The following ADGRV1 variants were observed in gnomAD, a reference collection of about 807,000 sequenced individuals.
The protein encoded by ADGRV1 is adhesion G protein-coupled receptor V1.
In ADGRV1, 359 loss-of-function variants were observed where a neutral mutation model predicts 596.2. The observed-to-expected ratio is 0.60, with a 90% CI of 0.55 to 0.66. The LOEUF (loss-of-function observed/expected upper bound fraction) is 0.66, where lower values mean the gene tolerates loss of function less well. Ranked by LOEUF, ADGRV1 falls within the 30% of genes least tolerant of loss-of-function variation. The pLI, the probability that ADGRV1 is intolerant of heterozygous loss-of-function variation, is 0.00. For synonymous variants in ADGRV1, 2,681 were observed against 2,679.2 expected (o/e 1.00, Z -0.02); for missense variants, 7,274 against 7,575.6 (o/e 0.96, Z 1.48).
In ADGRV1 at chr5:91,099,736, C is replaced by T. The variant is rs1791201973; in HGVS notation, c.18311-2483C>T. On this transcript the variant is annotated intron_variant, in intron 86 of 89. Coordinates refer to ENST00000405460, the MANE Select transcript of ADGRV1 (RefSeq NM_032119.4). ...ATGAGAAGTAGATCTCTTACCAACACAGAAAAGTTACAAATATGGAAAGGG... is the reference window on the plus strand; with the variant it reads ...ATGAGAAGTAGATCTCTTACCAACATAGAAAAGTTACAAATATGGAAAGGG... Among the ~76,000 whole-genome samples, 4 of 152,052 alleles carry T rather than the reference C, an allele frequency of 2.6e-5. No homozygotes were observed. The South Asian group carries it at 6.2e-4, about 24-fold the overall frequency.
At chr5:90,650,870 C>T (rs1173740453) in intron 17 of ADGRV1, among the ~76,000 whole-genome samples, 1 of 152,126 alleles carries the variant, frequency 6.6e-6, no homozygotes, top group Admixed American at 6.6e-5. Context: ...GTTGCTTGAG[C>T]TGGGTTCTCA....
At chr5:90,617,982 T>G (rs909886061) in intron 3 of ADGRV1, 29 bp downstream of exon 3, 9 of 1,498,660 alleles carry the variant, frequency 6.0e-6, no homozygotes, top group Non-Finnish European at 8.1e-6. Context: ...CTTATAAAAA[T>G]TATAAGGAGG....
chr5:90,741,052 T>C (rs989367292), intron 50 of ADGRV1, among the ~76,000 whole-genome samples: 1 of 152,208 alleles, frequency 6.6e-6, no homozygotes, highest in Middle Eastern at 3.2e-3. Context: ...AGAGAGTTCC[T>C]ATTCCACCAT....
At chr5:90,872,245 T>A (rs1394867812) in intron 83 of ADGRV1, among the ~76,000 whole-genome samples, 6 of 152,208 alleles carry the variant, frequency 3.9e-5, no homozygotes, top group Admixed American at 3.3e-4. Flanking sequence ...TGGTCTGCAT[T>A]ATCTGTAATG....
chr5:90,666,045 A>T (rs888046327), intron 21 of ADGRV1, among the ~76,000 whole-genome samples: 89 of 151,652 alleles, frequency 5.9e-4, no homozygotes, highest in Non-Finnish European at 7.4e-4. Context: ...TACGTGGTCA[A>T]TTTTGGAATA....
chr5:90,838,848 A>C (rs968638079), intron 77 of ADGRV1, among the ~76,000 whole-genome samples: 4 of 152,150 alleles, frequency 2.6e-5, no homozygotes, highest in African/African-American at 9.7e-5. Context: ...TGATATAGCG[A>C]GACCCTCATC....
intron 70 of ADGRV1, among the ~76,000 whole-genome samples, chr5:90,797,354 C>T (rs1390260635): frequency 7.3e-6 from 1 of 136,204 alleles, no homozygotes; most frequent in East Asian, 2.3e-4. Flanking sequence ...AGACTTTAAA[C>T]CAACAAAGAT....
intron 85 of ADGRV1, among the ~76,000 whole-genome samples, chr5:91,036,492 G>A (rs1224700162): frequency 1.3e-5 from 2 of 151,934 alleles, no homozygotes; most frequent in Non-Finnish European, 2.9e-5. Flanking sequence ...AACCCGGGAG[G>A]CGGAGCTTGC....
At chr5:90,802,094 G>A (rs542168429) in intron 70 of ADGRV1, among the ~76,000 whole-genome samples, 15 of 152,306 alleles carry the variant, frequency 9.8e-5, no homozygotes, top group South Asian at 4.1e-4. Context: ...TGCCCCTTCC[G>A]TTTTCTTGAT....
Position 90,617,910 on chromosome 5 carries a change from T to TA in ADGRV1, c.315dup (p.Pro106ThrfsTer4). 1 of 1,592,518 alleles carries TA rather than the reference T, an allele frequency of 6.3e-7. No homozygotes were observed. Among genetic ancestry groups the TA allele is most frequent in the Non-Finnish European group, 8.6e-7 (1 of 1,168,100 alleles). On this transcript the variant is annotated frameshift_variant, in exon 3 of 90. Coordinates refer to ENST00000405460, the MANE Select transcript of ADGRV1 (RefSeq NM_032119.4). LOFTEE classifies it high-confidence loss of function. ...TACATAGCAGTATGTGATGATGACT[T>TA]ACCAGAGCCTGACGAAACTTTTATT... is the stretch of plus-strand genomic sequence containing the variant.
Position 90,985,523 on chromosome 5 carries a change from G to A in ADGRV1, c.18152+1G>A, listed in dbSNP as rs2151049870. The A allele has an allele frequency of 6.2e-7, 1 of 1,610,458 alleles. No individual in the cohort carries two copies. Among genetic ancestry groups the A allele is most frequent in the Non-Finnish European group, 8.5e-7 (1 of 1,176,890 alleles). On this transcript the variant is annotated splice_donor_variant, in intron 85 of 89. Transcript: ENST00000405460. LOFTEE classifies it high-confidence loss of function. ...TCTATGGACTCATTCATGGTGACCT[G>A]TAAGTACACCCAGGCAACACATTGC... is the stretch of plus-strand genomic sequence containing the variant.
rs184268286 is a variant in ADGRV1, at chr5:90,845,498, T to C, written c.17020-3139T>C. Among the ~76,000 whole-genome samples the C allele has an allele frequency of 1.4e-3, 206 of 152,236 alleles. 2 individuals are homozygous for C. Among genetic ancestry groups the C allele is most frequent in the African/African-American group, 4.5e-3 (186 of 41,554 alleles). ...TTTAATTCTTACAATTCTGAACATA[T>C]TGCTTGGCTGGCTTCTGACATTTCA... On this transcript the variant is annotated intron_variant, in intron 78 of 89. Transcript: ENST00000405460.
chr5:90,636,672 G>A (rs1437536877), intron 10 of ADGRV1, among the ~76,000 whole-genome samples: 1 of 152,158 alleles, frequency 6.6e-6, no homozygotes, highest in Non-Finnish European at 1.5e-5. Context: ...CCTGGATGAT[G>A]CCCACTCCCT....
intron 83 of ADGRV1, among the ~76,000 whole-genome samples, chr5:90,955,536 A>G (rs543914208): frequency 1.3e-5 from 2 of 152,318 alleles, no homozygotes; most frequent in East Asian, 3.9e-4. Context: ...AAGCACACAG[A>G]ATATATTTGT....
chr5:90,739,228 G>A (rs957684581), intron 50 of ADGRV1, among the ~76,000 whole-genome samples: 34 of 151,670 alleles, frequency 2.2e-4, no homozygotes, highest in African/African-American at 7.3e-4. Flanking sequence ...TGTTTCATCT[G>A]TATTTTCTTA....
At chr5:90,715,497 C>G (rs1749967695) in intron 42 of ADGRV1, among the ~76,000 whole-genome samples, 2 of 152,180 alleles carry the variant, frequency 1.3e-5, no homozygotes, top group South Asian at 4.1e-4. Context: ...CAAATAGGAA[C>G]TGCTGCAGGT....
In ADGRV1 at chr5:90,628,660, C is replaced by T. The variant is rs1034981168; in HGVS notation, c.1337C>T (p.Thr446Ile). Residue 446 changes from threonine to isoleucine, a missense_variant, in exon 8 of 90, where the codon ACA becomes ATA. Thr to Ile is a moderately conservative substitution (Grantham distance 89). Coordinates refer to ENST00000405460, the MANE Select transcript of ADGRV1 (RefSeq NM_032119.4). Reference protein sequence around the residue: ...TRNSTDPSPVTADIRPSSGVL... With the variant: ...TRNSTDPSPVIADIRPSSGVL... ...AACAGCACTGATCCCTCACCAGTAA[C>T]AGCAGATATCAGACCGAGCTCTGGA... 8 of 1,614,012 alleles carry T rather than the reference C, an allele frequency of 5.0e-6. No individual in the cohort carries two copies. Among genetic ancestry groups the T allele is most frequent in the Admixed American group, 1.7e-5 (1 of 60,028 alleles).
Position 91,066,603 on chromosome 5 carries a change from G to A in ADGRV1, c.18153-5844G>A, listed in dbSNP as rs866723898. On this transcript the variant is annotated intron_variant, in intron 85 of 89. Coordinates refer to ENST00000405460, the MANE Select transcript of ADGRV1 (RefSeq NM_032119.4). ...TTAAGTATATGAGACATAATTTGGGGATGTGGAATCATAGCTGGTCCCAGC... is the reference window on the plus strand; with the variant it reads ...TTAAGTATATGAGACATAATTTGGGAATGTGGAATCATAGCTGGTCCCAGC... Among the ~76,000 whole-genome samples, 6 of 152,190 alleles carry A rather than the reference G, an allele frequency of 3.9e-5. No homozygotes were observed. The South Asian group carries it at 1.0e-3, about 26-fold the overall frequency.
chr5:90,595,627 T>C (rs1335543349), intron 1 of ADGRV1, among the ~76,000 whole-genome samples: 1 of 106,304 alleles, frequency 9.4e-6, no homozygotes, highest in African/African-American at 4.1e-5. Flanking sequence ...CCCCCCCACC[T>C]CCCTCCCGGA....
Sources: allele counts gnomAD v4.1 joint callset (sites outside exome capture counted in the v4.1 genomes callset), GRCh38; gene constraint gnomAD v4.1.1; transcripts MANE v1.5; gene names NCBI Gene and HGNC (gene_info 2026-07-23, HGNC 2026-07-21).